The following HEATR5B variants were observed in gnomAD, a reference collection of about 807,000 sequenced individuals.
HEATR5B encodes the protein HEAT repeat containing 5B.
A neutral mutation model predicts 224.1 loss-of-function variants in HEATR5B; 156 were observed. The ratio of observed to expected loss-of-function variants is 0.70; its 90% CI spans 0.61 to 0.80. The LOEUF is 0.80. Among genes scored for constraint, HEATR5B ranks in the 30% least tolerant of loss-of-function variants. The probability of loss-of-function intolerance (pLI) is 0.00; values close to 1 mark genes in which losing one functional copy is unlikely to be tolerated. For synonymous variants in HEATR5B, 1,027 were observed against 893.0 expected (o/e 1.15, Z -2.68); for missense variants, 2,323 against 2,535.5 (o/e 0.92, Z 1.80).
Position 37,028,828 on chromosome 2 carries a change from G to A in HEATR5B, c.3454C>T (p.Leu1152Phe). ...TCCCGGTCTAGCATTCCAAAAAGAAGTCCCTCAAGACCAGTTTCTGTTATA... is the reference window on the plus strand; with the variant it reads ...TCCCGGTCTAGCATTCCAAAAAGAAATCCCTCAAGACCAGTTTCTGTTATA... ...VNITETGLEG[L>F]LFGMLDRETD... The change falls in exon 23 of 36, where the codon CTT becomes TTT. Residue 1152 changes from leucine to phenylalanine, a missense_variant. By Grantham distance (22) the Leu-to-Phe change is conservative. Around this residue, in one of 12 missense-constraint regions of HEATR5B, gnomAD observed 339 missense variants for 378.4 expected, o/e 0.90. Coordinates refer to ENST00000233099, the MANE Select transcript of HEATR5B (RefSeq NM_019024.3). The A allele has an allele frequency of 6.2e-7, 1 of 1,614,064 alleles. No individual in the cohort carries two copies. The highest frequency in any genetic ancestry group is 1.1e-5 in the South Asian group (1 of 91,080).
At chr2:37,004,842 C>G (rs1463869275) in intron 30 of HEATR5B, among the ~76,000 whole-genome samples, 1 of 152,112 alleles carries the variant, frequency 6.6e-6, no homozygotes, top group South Asian at 2.1e-4. Context: ...CTTTCTTCTT[C>G]CTTTATTCAG....
rs748927538 is a variant in HEATR5B at position 36,981,576 on chromosome 2, C to T, written c.6130G>A (p.Ala2044Thr). Reference sequence around the variant, plus strand: ...CTGGCAGCCGCTTTAGCTTTGCTCGCTTGGCTTGCTCGAACGGCAGTTTCT... The same window carrying T: ...CTGGCAGCCGCTTTAGCTTTGCTCGTTTGGCTTGCTCGAACGGCAGTTTCT... The part of the protein sequence containing the change: ...RLETAVRASQ[A>T]SKAKAAARQP... The change falls in exon 36 of 36, where the codon GCG becomes ACG. Residue 2044 changes from alanine to threonine, a missense_variant. Ala to Thr is a moderately conservative substitution (Grantham distance 58). Transcript: ENST00000233099. 8.7e-6 allele frequency: 14 copies of T among 1,614,100 alleles called. No homozygotes were observed. The highest frequency in any genetic ancestry group is 4.0e-5 in the African/African-American group (3 of 74,940).
intron 10 of HEATR5B, among the ~76,000 whole-genome samples, chr2:37,063,481 A>C: frequency 6.6e-6 from 1 of 152,196 alleles, no homozygotes; most frequent in East Asian, 1.9e-4. Flanking sequence ...GTAGTCCCTA[A>C]GGGTCTCTGG....
In HEATR5B at chr2:37,077,433, T is replaced by C. The variant is rs1450296683; in HGVS notation, c.339-414A>G. On this transcript the variant is annotated intron_variant, in intron 3 of 35. Coordinates refer to ENST00000233099, the MANE Select transcript of HEATR5B (RefSeq NM_019024.3). Reference sequence around the variant, plus strand: ...AAGCCATTCTCCTGCCTCAGCTTCCTGAGTAGCTGGGATTACAGGTGCATG... The same window carrying C: ...AAGCCATTCTCCTGCCTCAGCTTCCCGAGTAGCTGGGATTACAGGTGCATG... 2.6e-5 allele frequency among the ~76,000 whole-genome samples: 4 copies of C among 152,160 alleles called. No individual in the cohort carries two copies. The East Asian group carries it at 7.7e-4, about 29-fold the overall frequency.
chr2:36,997,845 C>T (rs1011359197), intron 33 of HEATR5B, among the ~76,000 whole-genome samples: 3 of 152,050 alleles, frequency 2.0e-5, no homozygotes, highest in African/African-American at 7.2e-5. Flanking sequence ...GGATTACAGG[C>T]GTGAGCCACC....
At chr2:36,989,319 TG>T (rs1264802784) in intron 34 of HEATR5B, among the ~76,000 whole-genome samples, 1 of 152,140 alleles carries the variant, frequency 6.6e-6, no homozygotes, top group Non-Finnish European at 1.5e-5. Flanking sequence ...CTCCTGACCT[TG>T]TGATCTGCCC....
At chr2:36,982,100 G>C (rs1227057229) in intron 35 of HEATR5B, among the ~76,000 whole-genome samples, 1 of 151,812 alleles carries the variant, frequency 6.6e-6, no homozygotes, top group African/African-American at 2.4e-5. Flanking sequence ...TGTATCTTGA[G>C]AGTAAGATTA....
chr2:37,008,583 A>G, intron 28 of HEATR5B, 28 bp downstream of exon 28: 1 of 1,501,170 alleles, frequency 6.7e-7, no homozygotes, highest in Non-Finnish European at 9.3e-7. Context: ...GAACTCCATA[A>G]AAGTAAAACT....
intron 32 of HEATR5B, among the ~76,000 whole-genome samples, chr2:37,001,404 C>T (rs770529471): frequency 5.3e-5 from 8 of 152,068 alleles, no homozygotes; most frequent in Non-Finnish European, 8.8e-5. Flanking sequence ...TTGCAAAACT[C>T]CAAATATGGA....
chr2:37,038,986 A>G (rs1669703576), intron 20 of HEATR5B, among the ~76,000 whole-genome samples: 2 of 151,588 alleles, frequency 1.3e-5, no homozygotes. Context: ...CTTTTTAAAA[A>G]TATCTGTCAA....
intron 5 of HEATR5B, 128 bp from the exon 6 acceptor site, chr2:37,072,409 G>C: frequency 1.7e-6 from 1 of 604,870 alleles, no homozygotes. Context: ...TGAAACAACA[G>C]TTTTCAAGAC....
intron 35 of HEATR5B, among the ~76,000 whole-genome samples, chr2:36,984,040 A>C (rs1665761204): frequency 2.0e-5 from 3 of 149,072 alleles, no homozygotes; most frequent in Non-Finnish European, 3.0e-5. Context: ...CTCTACTAAA[A>C]ATATAACAAA....
At chr2:37,051,961 A>C (rs190627609) in intron 17 of HEATR5B, among the ~76,000 whole-genome samples, 144 of 152,094 alleles carry the variant, frequency 9.5e-4, no homozygotes, top group African/African-American at 3.0e-3. Context: ...GCTGGTCTCA[A>C]ACTCCTGACC....
At chr2:37,009,256 CAAAAAAAAAA>C (rs57022846) in intron 27 of HEATR5B, among the ~76,000 whole-genome samples, 14 of 65,680 alleles carry the variant, frequency 2.1e-4, no homozygotes, top group Non-Finnish European at 4.0e-4. Context: ...GACTCTGTCT[CAAAAAAAAAA>C]AAAAAAAAAA....
chr2:37,075,568 C>G lies in HEATR5B; in HGVS notation c.514G>C (p.Ala172Pro), dbSNP rs376898996. The G allele has an allele frequency of 6.2e-7, 1 of 1,613,034 alleles. No individual in the cohort carries two copies. The highest frequency in any genetic ancestry group is 1.3e-5 in the African/African-American group (1 of 75,022). The change falls in exon 5 of 36, where the codon GCT (alanine) becomes CCT (proline). Residue 172 changes from alanine to proline, a missense_variant. Physicochemically the swap from Ala to Pro is conservative, Grantham distance 27 (BLOSUM62 -1). Around this residue, in one of 12 missense-constraint regions of HEATR5B, gnomAD observed 292 missense variants for 332.6 expected, o/e 0.88. Transcript: ENST00000233099. ...TTGTAAATATCACGATGGGAGGAAGCTGCTGCACCACCCAGTCCACTTAGA... is the reference window on the plus strand; with the variant it reads ...TTGTAAATATCACGATGGGAGGAAGGTGCTGCACCACCCAGTCCACTTAGA... Reference protein sequence around the residue: ...KVLSGLGGAAASSHRDIYKNA... With the variant: ...KVLSGLGGAAPSSHRDIYKNA...
At position 37,075,474 on chromosome 2, in the gene HEATR5B, C is replaced by G. The variant is rs375144411; in HGVS notation, c.597+11G>C. 1.2e-6 allele frequency: 2 copies of G among 1,600,590 alleles called. No individual in the cohort carries two copies. The highest frequency in any genetic ancestry group is 1.7e-5 in the Admixed American group (1 of 57,860). On this transcript the variant is annotated intron_variant, in intron 5 of 35. Coordinates refer to ENST00000233099, the MANE Select transcript of HEATR5B (RefSeq NM_019024.3). ...ATAAAGAGCAGTATTCTAAATTGGT[C>G]GAGTACTAACCTTGGCCACTGCACA...
At chr2:37,053,681 A>G in intron 16 of HEATR5B, 74 bp from the exon 17 acceptor site, 1 of 777,938 alleles carries the variant, frequency 1.3e-6, no homozygotes, top group Non-Finnish European at 2.1e-6. Context: ...GGATAAGAAG[A>G]GTACAAGTTA....
At chr2:37,016,248 G>C (rs1271269859) in intron 26 of HEATR5B, among the ~76,000 whole-genome samples, 1 of 151,920 alleles carries the variant, frequency 6.6e-6, no homozygotes, top group African/African-American at 2.4e-5. Context: ...AAGTAGCTGG[G>C]ACTACAGGCG....
chr2:37,058,617 ATT>A, intron 13 of HEATR5B, 57 bp from the exon 14 acceptor site: 1 of 1,227,610 alleles, frequency 8.1e-7, no homozygotes, highest in Non-Finnish European at 1.2e-6. Context: ...TTACTTATAA[ATT>A]TTTTTAGCAA....
Sources: gnomAD v4.1 joint callset for allele counts (sites outside exome capture counted in the v4.1 genomes callset) on GRCh38, gnomAD v4.1.1 for gene constraint, gnomAD v4.1.1 regional missense constraint, MANE v1.5 for transcripts, NCBI Gene and HGNC (gene_info 2026-07-23, HGNC 2026-07-21) for gene names.